SLC31A1: variants seen among roughly 807,000 people sequenced by gnomAD.
SLC31A1 encodes the protein high affinity copper uptake protein 1.
A neutral mutation model predicts 17.2 loss-of-function variants in SLC31A1; 5 were observed. The observed-to-expected ratio is 0.29, with a 90% CI of 0.15 to 0.61. The LOEUF (loss-of-function observed/expected upper bound fraction) is 0.61. Ranked by LOEUF, SLC31A1 falls within the 20% of genes least tolerant of loss-of-function variation. SLC31A1 has a pLI of 0.86. For synonymous variants in SLC31A1, 76 were observed against 78.8 expected, an observed-to-expected ratio of 0.96 and a Z score of 0.19; for missense variants, 161 against 241.4, an observed-to-expected ratio of 0.67 and a Z score of 2.21.
intron 1 of SLC31A1, among the ~76,000 whole-genome samples, chr9:113,235,115 A>T (rs991765370): frequency 6.6e-6 from 1 of 152,170 alleles, no homozygotes; most frequent in East Asian, 1.9e-4. Context: ...CATCCAGAAT[A>T]TGTAAAGAAC....
At chr9:113,223,371 A>G (rs759442659) in intron 1 of SLC31A1, 29 of 360,318 alleles carry the variant, frequency 8.0e-5, no homozygotes, top group Non-Finnish European at 1.5e-4. Flanking sequence ...AAATTCGTGT[A>G]TCTTCAGATT....
At chr9:113,243,232 C>G (rs530086985) in intron 1 of SLC31A1, among the ~76,000 whole-genome samples, 1 of 152,252 alleles carries the variant, frequency 6.6e-6, no homozygotes, top group South Asian at 2.1e-4. Flanking sequence ...TAAACTAATT[C>G]TTTGCCTTTA....
At position 113,258,732 on chromosome 9, in the gene SLC31A1, A is replaced by C; in HGVS notation, c.241A>C (p.Met81Leu). 6.2e-7 allele frequency: 1 copy of C among 1,614,196 alleles called. No homozygotes were observed. The highest frequency in any genetic ancestry group is 1.1e-5 in the South Asian group (1 of 91,084). ...GAFVAVFLLA[M>L]FYEGLKIARE... ...TTTTGTGGCAGTGTTTTTACTAGCA[A>C]TGTTCTATGAAGGACTCAAGATAGC... The change falls in exon 4 of 5, where the codon ATG becomes CTG. Residue 81 changes from methionine to leucine, a missense_variant. Coordinates refer to ENST00000374212, the MANE Select transcript of SLC31A1 (RefSeq NM_001859.4). This position sits in a 1 kb window ranked among gnomAD's most constrained non-coding sequence, Gnocchi z 4.8.
At chr9:113,237,089 G>T (rs1452576627) in intron 1 of SLC31A1, among the ~76,000 whole-genome samples, 1 of 152,190 alleles carries the variant, frequency 6.6e-6, no homozygotes, top group African/African-American at 2.4e-5. Context: ...AAAGGCATTT[G>T]GGGCTTTTAT....
chr9:113,231,389 C>A (rs1412689732), intron 1 of SLC31A1, among the ~76,000 whole-genome samples: 5 of 152,164 alleles, frequency 3.3e-5, no homozygotes, highest in Admixed American at 3.3e-4. Context: ...CATAGGGAGA[C>A]CCCTTCTCTA....
intron 1 of SLC31A1, among the ~76,000 whole-genome samples, chr9:113,250,063 C>G (rs1356486908): frequency 6.6e-5 from 10 of 150,962 alleles, no homozygotes. Flanking sequence ...AATAGGAACA[C>G]TTTTACACTG....
chr9:113,251,493 GAGT>G (rs1279070788), intron 1 of SLC31A1, among the ~76,000 whole-genome samples: 1 of 151,796 alleles, frequency 6.6e-6, no homozygotes, highest in Non-Finnish European at 1.5e-5. Context: ...ATTGTTACAT[GAGT>G]ACCCATTTTT....
At chr9:113,247,727 T>C (rs967939088) in intron 1 of SLC31A1, among the ~76,000 whole-genome samples, 4 of 152,122 alleles carry the variant, frequency 2.6e-5, no homozygotes, top group South Asian at 2.1e-4. Context: ...TATCATACCA[T>C]ACTTATTAAA....
chr9:113,243,550 G>A (rs1253437261), intron 1 of SLC31A1, among the ~76,000 whole-genome samples: 1 of 84,660 alleles, frequency 1.2e-5, no homozygotes, highest in Non-Finnish European at 2.2e-5. Context: ...GAGATAAAGT[G>A]TTTCTTTGTC....
chr9:113,245,673 C>G (rs1000035617), intron 1 of SLC31A1, among the ~76,000 whole-genome samples: 1 of 151,926 alleles, frequency 6.6e-6, no homozygotes, highest in Non-Finnish European at 1.5e-5. Flanking sequence ...TTCCTGTTGC[C>G]CAGGCTGGAG....
At chr9:113,255,432 C>T (rs552056319) in intron 1 of SLC31A1, among the ~76,000 whole-genome samples, 179 of 152,298 alleles carry the variant, frequency 1.2e-3, no homozygotes, top group Admixed American at 3.1e-3. Context: ...AGGAACTATA[C>T]TGGTGGGGCA....
intron 1 of SLC31A1, among the ~76,000 whole-genome samples, chr9:113,245,543 T>C (rs28619870): frequency 0.011 from 1,717 of 152,266 alleles, 36 homozygotes; most frequent in African/African-American, 0.039. Context: ...GTCTTCTCCC[T>C]AAATATTTAT....
intron 1 of SLC31A1, among the ~76,000 whole-genome samples, chr9:113,223,503 T>C (rs1831309960): frequency 6.6e-6 from 1 of 152,204 alleles, no homozygotes; most frequent in South Asian, 2.1e-4. Context: ...GGACTTCTAC[T>C]GAGTAACTGC....
At chr9:113,251,388 C>T (rs191662607) in intron 1 of SLC31A1, among the ~76,000 whole-genome samples, 14 of 151,964 alleles carry the variant, frequency 9.2e-5, no homozygotes, top group Admixed American at 5.2e-4. Flanking sequence ...CACCACTGCA[C>T]TCTAGCCTGG....
chr9:113,247,890 AACTG>A (rs1163532466), intron 1 of SLC31A1, among the ~76,000 whole-genome samples: 2 of 152,214 alleles, frequency 1.3e-5, no homozygotes, highest in Non-Finnish European at 2.9e-5. Flanking sequence ...GTTCCCTAGA[AACTG>A]AATAGTTTAA....
At chr9:113,224,308 T>TA (rs963963360) in intron 1 of SLC31A1, among the ~76,000 whole-genome samples, 2 of 152,230 alleles carry the variant, frequency 1.3e-5, no homozygotes, top group African/African-American at 2.4e-5. Flanking sequence ...AATGAATACT[T>TA]AAAGTCACTT....
At chr9:113,250,593 G>C (rs1438821114) in intron 1 of SLC31A1, among the ~76,000 whole-genome samples, 7 of 150,658 alleles carry the variant, frequency 4.6e-5, no homozygotes, top group Non-Finnish European at 1.0e-4. Context: ...ACAAGTTAGT[G>C]GGTGCAGTGC....
chr9:113,249,503 A>T (rs887427342), intron 1 of SLC31A1, among the ~76,000 whole-genome samples: 9 of 151,878 alleles, frequency 5.9e-5, no homozygotes, highest in Non-Finnish European at 1.2e-4. Flanking sequence ...GGTAGTTGGG[A>T]TTACAGGCAC....
intron 1 of SLC31A1, among the ~76,000 whole-genome samples, chr9:113,239,429 A>G (rs1283134944): frequency 6.6e-6 from 1 of 152,234 alleles, no homozygotes; most frequent in Non-Finnish European, 1.5e-5. Flanking sequence ...AAAATTAAAC[A>G]GCTGTAGCCA....
Sources: allele counts gnomAD v4.1 joint callset (sites outside exome capture counted in the v4.1 genomes callset), GRCh38; gene constraint gnomAD v4.1.1; non-coding constraint Gnocchi (gnomAD v3.1); transcripts MANE v1.5; gene names NCBI Gene and HGNC (gene_info 2026-07-23, HGNC 2026-07-21).